The following TMEM196 variants were observed in gnomAD, a reference collection of about 807,000 sequenced individuals.
The protein encoded by TMEM196 is transmembrane protein 196.
A neutral mutation model predicts 20.0 loss-of-function variants in TMEM196; 17 were observed. The observed-to-expected ratio is 0.85, with a 90% confidence interval of 0.58 to 1.27. The LOEUF (loss-of-function observed/expected upper bound fraction) is 1.27. Ranked by LOEUF, TMEM196 falls within the 50% of genes most tolerant of loss-of-function variation. The probability of loss-of-function intolerance (pLI) is 0.00; values close to 1 mark genes in which losing one functional copy is unlikely to be tolerated. For missense variants in TMEM196, 267 were observed against 223.0 expected (o/e 1.20, Z -1.26); for synonymous variants, 113 against 88.9 (o/e 1.27, Z -1.52).
At chr7:19,732,900 T>G (rs1413109117) in intron 1 of TMEM196, among the ~76,000 whole-genome samples, 1 of 152,194 alleles carries the variant, frequency 6.6e-6, no homozygotes, top group East Asian at 1.9e-4. Flanking sequence ...ACCCACATCA[T>G]GGCAATTATT....
intron 1 of TMEM196, among the ~76,000 whole-genome samples, chr7:19,770,143 C>A (rs1785810554): frequency 2.0e-5 from 3 of 152,164 alleles, no homozygotes; most frequent in African/African-American, 7.2e-5. Flanking sequence ...AATAATACTT[C>A]TTTCATGGAT....
chr7:19,760,501 C>T (rs1785396065), intron 1 of TMEM196, among the ~76,000 whole-genome samples: 1 of 151,520 alleles, frequency 6.6e-6, no homozygotes, highest in African/African-American at 2.4e-5. Context: ...GCCGGGATTA[C>T]AGACATATGC....
chr7:19,767,481 T>G (rs1443068409), intron 1 of TMEM196, among the ~76,000 whole-genome samples: 6 of 152,008 alleles, frequency 3.9e-5, no homozygotes, highest in Admixed American at 6.6e-5. Flanking sequence ...ATGCAAAAAT[T>G]TGATGAAAAT....
At chr7:19,754,264 C>T (rs1370772089) in intron 1 of TMEM196, among the ~76,000 whole-genome samples, 1 of 152,136 alleles carries the variant, frequency 6.6e-6, no homozygotes, top group African/African-American at 2.4e-5. Flanking sequence ...AATTCAAGTG[C>T]TCGCTATCTA....
At chr7:19,726,841 T>A (rs2128013733) in intron 2 of TMEM196, among the ~76,000 whole-genome samples, 1 of 152,322 alleles carries the variant, frequency 6.6e-6, no homozygotes, top group Non-Finnish European at 1.5e-5. Flanking sequence ...AATTATGCAA[T>A]CTAATTTCCA....
intron 1 of TMEM196, among the ~76,000 whole-genome samples, chr7:19,770,737 G>A (rs1785838047): frequency 6.6e-6 from 1 of 152,078 alleles, no homozygotes; most frequent in Non-Finnish European, 1.5e-5. Flanking sequence ...TGACTTATTT[G>A]CTTTTCCATG....
At position 19,725,637 on chromosome 7, in the gene TMEM196, G is replaced by A. The variant is rs1477938439; in HGVS notation, c.336C>T (p.Cys112=). The A allele has an allele frequency of 4.3e-6, 7 of 1,614,146 alleles. No individual in the cohort carries two copies. The highest frequency in any genetic ancestry group is 5.9e-6 in the Non-Finnish European group (7 of 1,179,994). Residue 112 remains cysteine, a synonymous_variant, in exon 3 of 5, where the codon TGC becomes TGT. Transcript: ENST00000405844. ...AGAGAGTGCAGCCCCCGATCCCAAT[G>A]CACGCGAGAGACATGGAGGCAAGGT... ...PLHLASMSLA[C]IGIGGCTLSS...
At chr7:19,729,279 C>T (rs1297903140) in intron 2 of TMEM196, 103 bp downstream of exon 2, 5 of 579,628 alleles carry the variant, frequency 8.6e-6, no homozygotes, top group Non-Finnish European at 1.2e-5. Context: ...TTGCCTCAAA[C>T]TAGCAATATT....
At chr7:19,736,422 G>T (rs1041978042) in intron 1 of TMEM196, among the ~76,000 whole-genome samples, 4 of 130,828 alleles carry the variant, frequency 3.1e-5, no homozygotes, top group African/African-American at 5.7e-5. Context: ...GTAAAATGGA[G>T]AAAGCTTATC....
At chr7:19,768,036 A>G (rs1014441823) in intron 1 of TMEM196, among the ~76,000 whole-genome samples, 1 of 152,088 alleles carries the variant, frequency 6.6e-6, no homozygotes, top group African/African-American at 2.4e-5. Context: ...TGGTAAACCA[A>G]CAGTCTACAT....
intron 1 of TMEM196, among the ~76,000 whole-genome samples, chr7:19,741,074 T>C (rs1374041293): frequency 6.6e-6 from 1 of 152,136 alleles, no homozygotes; most frequent in African/African-American, 2.4e-5. Context: ...ATTTTGATAG[T>C]CTCTCGACCC....
chr7:19,737,212 G>T (rs1051286364), intron 1 of TMEM196, among the ~76,000 whole-genome samples: 4 of 151,884 alleles, frequency 2.6e-5, no homozygotes, highest in Non-Finnish European at 4.4e-5. Context: ...ACATAAAAAA[G>T]ATAGTCAACA....
intron 1 of TMEM196, among the ~76,000 whole-genome samples, chr7:19,759,275 A>G (rs969698763): frequency 6.6e-6 from 1 of 152,096 alleles, no homozygotes; most frequent in African/African-American, 2.4e-5. Context: ...TTCAGCCTTC[A>G]TTTTACAAGG....
Position 19,720,484 on chromosome 7 carries a change from C to G in TMEM196, c.*1644G>C, listed in dbSNP as rs907145677. 1.3e-5 allele frequency: 2 copies of G among 151,608 alleles called. No homozygotes were observed. Among genetic ancestry groups the G allele is most frequent in the African/African-American group, 4.8e-5 (2 of 41,302 alleles). 9.4% of individuals were successfully genotyped at this position (151,608 alleles called of 1,614,324 possible). On this transcript the variant is annotated 3_prime_UTR_variant, in exon 5 of 5. Transcript: ENST00000405844. ...AATTTACCTATGGTTCAACAAGTAA[C>G]TCATAAAAAATGACTTGAAAATTGA...
chr7:19,746,275 A>G (rs4721824), intron 1 of TMEM196, among the ~76,000 whole-genome samples: 25,346 of 152,054 alleles, frequency 0.17, 2,585 homozygotes, highest in East Asian at 0.42. Context: ...GTTAAACGGG[A>G]AATGTTTAGG....
intron 1 of TMEM196, among the ~76,000 whole-genome samples, chr7:19,760,749 G>A (rs1785403785): frequency 6.6e-6 from 1 of 152,126 alleles, no homozygotes; most frequent in South Asian, 2.1e-4. Context: ...TTAAGCAGCA[G>A]AAGATCAGGG....
chr7:19,723,650 C>T lies in TMEM196; in HGVS notation c.533+630G>A, dbSNP rs541196994. Among the ~76,000 whole-genome samples the T allele has an allele frequency of 1.7e-3, 258 of 152,194 alleles. 1 individual carries two copies. The highest frequency in any genetic ancestry group is 4.9e-3 in the African/African-American group (203 of 41,526). On this transcript the variant is annotated intron_variant, in intron 4 of 4. Transcript: ENST00000405844. ...AGGAAGATTGTGGTTTAAATTTGGG[C>T]TGGACCAATGTGACTATTTGCAAAT...
chr7:19,765,714 AC>A (rs1411362273), intron 1 of TMEM196, among the ~76,000 whole-genome samples: 3 of 152,140 alleles, frequency 2.0e-5, no homozygotes, highest in African/African-American at 7.2e-5. Context: ...CAAAAGAAAA[AC>A]AAAAGAAGAG....
In TMEM196 at chr7:19,725,731, A is replaced by G. The variant is rs1208390896; in HGVS notation, c.242T>C (p.Ile81Thr). ...LFSACCICGL[I>T]GGILNFQFLR... Reference sequence around the variant, plus strand: ...GAACTGAAAATTCAGGATGCCCCCAATAAGTCCACAGATACAGCAGGCTGA... The same window carrying G: ...GAACTGAAAATTCAGGATGCCCCCAGTAAGTCCACAGATACAGCAGGCTGA... The change falls in exon 3 of 5, where the codon ATT (isoleucine) becomes ACT (threonine). Residue 81 changes from isoleucine to threonine, a missense_variant. Transcript: ENST00000405844. 8.7e-6 allele frequency: 14 copies of G among 1,612,842 alleles called. No individual in the cohort carries two copies. The highest frequency in any genetic ancestry group is 4.0e-5 in the African/African-American group (3 of 74,896).
Sources: allele counts gnomAD v4.1 joint callset (sites outside exome capture counted in the v4.1 genomes callset), GRCh38; gene constraint gnomAD v4.1.1; transcripts MANE v1.5; gene names NCBI Gene and HGNC (gene_info 2026-07-23, HGNC 2026-07-21).